The following NAV2 variants were observed in gnomAD, a reference collection of about 807,000 sequenced individuals.
NAV2 encodes neuron navigator 2, also known as helicase, APC down-regulated 1.
In NAV2, 54 loss-of-function variants were observed where a neutral mutation model predicts 223.2. The observed-to-expected ratio is 0.24, with a 90% confidence interval of 0.19 to 0.30. The LOEUF is 0.30. Among genes scored for constraint, NAV2 ranks in the 10% least tolerant of loss-of-function variants. NAV2 has a pLI of 1.00. For synonymous variants in NAV2, 1,279 were observed against 1,239.3 expected (o/e 1.03, Z -0.67); for missense variants, 2,806 against 3,147.5 (o/e 0.89, Z 2.60).
chr11:19,802,233 C>T (rs1044775692), intron 1 of NAV2, among the ~76,000 whole-genome samples: 2 of 152,062 alleles, frequency 1.3e-5, no homozygotes, highest in Non-Finnish European at 2.9e-5. Flanking sequence ...AAGGTCTTTA[C>T]CCCTGGCAGT....
At chr11:19,354,747 C>G (rs1462322456) in intron 1 of NAV2, among the ~76,000 whole-genome samples, 1 of 152,170 alleles carries the variant, frequency 6.6e-6, no homozygotes, top group African/African-American at 2.4e-5. Context: ...AGAGGATGAG[C>G]TTTAGCTGGT....
chr11:19,584,712 G>C (rs1224667551), intron 1 of NAV2, among the ~76,000 whole-genome samples: 2 of 152,186 alleles, frequency 1.3e-5, no homozygotes, highest in Non-Finnish European at 2.9e-5. Context: ...TTAATCTTGA[G>C]TTCTAGTTTG....
At chr11:19,982,021 T>C (rs2050337370) in intron 10 of NAV2, among the ~76,000 whole-genome samples, 1 of 152,170 alleles carries the variant, frequency 6.6e-6, no homozygotes. Context: ...CAGCATTTAA[T>C]AAGCACCTAG....
chr11:20,117,553 C>T (rs2063219464), intron 37 of NAV2, among the ~76,000 whole-genome samples: 1 of 152,134 alleles, frequency 6.6e-6, no homozygotes, highest in African/African-American at 2.4e-5. Flanking sequence ...CTGGTGCTCC[C>T]CCTCACCTCC....
intron 1 of NAV2, among the ~76,000 whole-genome samples, chr11:19,818,499 A>G (rs918559128): frequency 1.1e-4 from 17 of 152,114 alleles, no homozygotes; most frequent in Admixed American, 4.6e-4. Context: ...AGTAAAATAC[A>G]GTAAAATAAT....
At chr11:19,710,863 T>G (rs544941799), upstream of NAV2, 1 of 152,354 alleles carries the variant, frequency 6.6e-6, no homozygotes, top group Admixed American at 6.5e-5. Flanking sequence ...TCAGTATAAA[T>G]GTTGGGTAGC....
At chr11:19,543,149 TG>T (rs1396797127) in intron 1 of NAV2, among the ~76,000 whole-genome samples, 1 of 152,226 alleles carries the variant, frequency 6.6e-6, no homozygotes, top group Non-Finnish European at 1.5e-5. Flanking sequence ...CAGAAAGCCC[TG>T]GGTTCAAATC....
intron 1 of NAV2, among the ~76,000 whole-genome samples, chr11:19,399,848 G>T (rs1849610404): frequency 6.6e-6 from 1 of 152,180 alleles, no homozygotes; most frequent in East Asian, 1.9e-4. Context: ...GATCGTTGGT[G>T]GGTTCTCTGA....
At chr11:19,892,075 C>G (rs2041545026) in intron 5 of NAV2, among the ~76,000 whole-genome samples, 1 of 152,218 alleles carries the variant, frequency 6.6e-6, no homozygotes, top group South Asian at 2.1e-4. Context: ...TCTCCTGTCT[C>G]AGCTTCCCAA....
chr11:19,901,941 A>T (rs2707106), intron 6 of NAV2, among the ~76,000 whole-genome samples: 17 of 152,094 alleles, frequency 1.1e-4, no homozygotes, highest in African/African-American at 4.1e-4. Flanking sequence ...CTAAATAGGG[A>T]AGCAGAGGGA....
At chr11:19,630,137 A>T (rs560465691) in intron 1 of NAV2, among the ~76,000 whole-genome samples, 1 of 152,276 alleles carries the variant, frequency 6.6e-6, no homozygotes, top group East Asian at 1.9e-4. Flanking sequence ...TACCCAGTAT[A>T]CACAGCCTGG....
chr11:19,522,264 A>G (rs552723735), intron 1 of NAV2, among the ~76,000 whole-genome samples: 1 of 121,094 alleles, frequency 8.3e-6, no homozygotes, highest in African/African-American at 3.5e-5. Context: ...TGCACCCCTC[A>G]CAAGGCATTC....
chr11:19,775,229 C>T (rs2056065041), intron 1 of NAV2, among the ~76,000 whole-genome samples: 1 of 152,184 alleles, frequency 6.6e-6, no homozygotes, highest in Non-Finnish European at 1.5e-5. Flanking sequence ...TCAAATGACA[C>T]ATGCTCTCTC....
chr11:20,056,090 A>T, intron 19 of NAV2, 133 bp downstream of exon 19: 1 of 782,940 alleles, frequency 1.3e-6, no homozygotes, highest in Non-Finnish European at 2.0e-6. Context: ...CACCTCTCCC[A>T]CCTACTCTGG....
At chr11:19,949,208 A>G in intron 10 of NAV2, 128 bp downstream of exon 10, 2 of 1,030,784 alleles carry the variant, frequency 1.9e-6, no homozygotes, top group Non-Finnish European at 2.7e-6. Flanking sequence ...TGCTGTCCAT[A>G]TCAAAGGCTG....
At chr11:19,968,961 G>A (rs555734787) in intron 10 of NAV2, among the ~76,000 whole-genome samples, 102 of 152,168 alleles carry the variant, frequency 6.7e-4, no homozygotes, top group African/African-American at 2.3e-3. Context: ...TTGCCTGGGT[G>A]CTTGGCTGCT....
intron 10 of NAV2, among the ~76,000 whole-genome samples, chr11:19,976,560 C>G (rs573915192): frequency 6.6e-6 from 1 of 152,320 alleles, no homozygotes; most frequent in Admixed American, 6.5e-5. Context: ...GATCTGAGCC[C>G]TTGTTTGATT....
rs147886161 is a variant in NAV2, at chr11:20,038,535, C to G, written c.2907+2438C>G. On this transcript the variant is annotated intron_variant, in intron 12 of 37. Transcript: ENST00000349880. Reference sequence around the variant, plus strand: ...AAAATATTTGAATCAGCATAATTCACAGGCTCCCATCCTCCTCCCTCATAT... The same window carrying G: ...AAAATATTTGAATCAGCATAATTCAGAGGCTCCCATCCTCCTCCCTCATAT... Among the ~76,000 whole-genome samples, 67 of 152,344 alleles carry G rather than the reference C, an allele frequency of 4.4e-4. No individual in the cohort carries two copies. The East Asian group carries it at 7.7e-3, about 18-fold the overall frequency.
At chr11:19,916,054 G>A (rs2043778272) in intron 6 of NAV2, among the ~76,000 whole-genome samples, 1 of 152,190 alleles carries the variant, frequency 6.6e-6, no homozygotes, top group South Asian at 2.1e-4. Flanking sequence ...TAGGGTTATT[G>A]TGAGGAGTAA....
Sources: gnomAD v4.1 joint callset for allele counts (sites outside exome capture counted in the v4.1 genomes callset) on GRCh38, gnomAD v4.1.1 for gene constraint, MANE v1.5 for transcripts, NCBI Gene and HGNC (gene_info 2026-07-23, HGNC 2026-07-21) for gene names.